The following CNGA1 variants were observed in gnomAD, a reference collection of about 807,000 sequenced individuals.
The protein encoded by CNGA1 is cyclic nucleotide gated channel subunit alpha 1.
A neutral mutation model predicts 69.7 loss-of-function variants in CNGA1; 53 were observed. The observed-to-expected ratio is 0.76, with a 90% CI of 0.61 to 0.96. The LOEUF is 0.96. Among genes scored for constraint, CNGA1 ranks in the 40% least tolerant of loss-of-function variants. The pLI, the probability that CNGA1 is intolerant of heterozygous loss-of-function variation, is 0.00. For missense variants in CNGA1, 739 were observed against 811.2 expected (o/e 0.91, Z 1.08); for synonymous variants, 249 against 283.5 (o/e 0.88, Z 1.22).
chr4:47,947,503 C>G (rs1470003833), intron 6 of CNGA1, among the ~76,000 whole-genome samples: 1 of 151,930 alleles, frequency 6.6e-6, no homozygotes, highest in Non-Finnish European at 1.5e-5. Context: ...TGGCGAAACC[C>G]CACTAAAAAT....
intron 3 of CNGA1, among the ~76,000 whole-genome samples, chr4:47,964,378 C>T (rs1026298381): frequency 6.6e-6 from 1 of 152,018 alleles, no homozygotes; most frequent in African/African-American, 2.4e-5. Context: ...AAAATGAGTC[C>T]TTCTCTTGTC....
intron 2 of CNGA1, among the ~76,000 whole-genome samples, chr4:48,008,311 A>G (rs765181040): frequency 1.3e-5 from 2 of 152,142 alleles, no homozygotes; most frequent in East Asian, 3.8e-4. Context: ...TAAATTTACC[A>G]TGTAATATTC....
At chr4:47,943,139 A>C (rs772032069) in intron 8 of CNGA1, 42 bp downstream of exon 8, 16 of 1,389,650 alleles carry the variant, frequency 1.2e-5, no homozygotes, top group Non-Finnish European at 1.6e-5. Flanking sequence ...TCTAAAACCC[A>C]TCACAATTTC....
chr4:47,978,589 T>G (rs1423198154), intron 3 of CNGA1, among the ~76,000 whole-genome samples: 2 of 152,158 alleles, frequency 1.3e-5, no homozygotes, highest in Non-Finnish European at 2.9e-5. Flanking sequence ...TAGTTTTAAA[T>G]TGATCCATTT....
chr4:47,965,425 T>A (rs1035493454), intron 3 of CNGA1, among the ~76,000 whole-genome samples: 5 of 150,452 alleles, frequency 3.3e-5, no homozygotes, highest in African/African-American at 1.2e-4. Flanking sequence ...TATGATAAGT[T>A]ATTCTTTTTT....
At chr4:48,010,688 G>C (rs909896099) in intron 2 of CNGA1, 106 bp downstream of exon 2, 5 of 153,404 alleles carry the variant, frequency 3.3e-5, no homozygotes, top group Non-Finnish European at 5.8e-5. Context: ...TGTTCAGCTC[G>C]ATTAGGATGA....
intron 2 of CNGA1, among the ~76,000 whole-genome samples, chr4:47,987,502 A>G (rs960954573): frequency 1.3e-5 from 2 of 152,196 alleles, no homozygotes; most frequent in African/African-American, 4.8e-5. Flanking sequence ...CCATTACCGT[A>G]TCTCTAGCAT....
intron 3 of CNGA1, among the ~76,000 whole-genome samples, chr4:47,966,433 T>C (rs1274203088): frequency 6.6e-6 from 1 of 152,230 alleles, no homozygotes; most frequent in African/African-American, 2.4e-5. Context: ...TTAGCATGCA[T>C]ATACTTGTGA....
At chr4:47,955,294 T>C (rs1208847650) in intron 3 of CNGA1, among the ~76,000 whole-genome samples, 3 of 150,500 alleles carry the variant, frequency 2.0e-5, no homozygotes, top group African/African-American at 7.4e-5. Context: ...GCTGTTCTCC[T>C]GTCTCAGCCT....
At chr4:47,997,679 T>C (rs1274492068) in intron 2 of CNGA1, among the ~76,000 whole-genome samples, 1 of 152,198 alleles carries the variant, frequency 6.6e-6, no homozygotes, top group Non-Finnish European at 1.5e-5. Context: ...GGTAGTGCTG[T>C]TTCACAACGC....
At chr4:47,981,675 A>G (rs2110218395) in intron 2 of CNGA1, 175 bp from the exon 3 acceptor site, 1 of 152,332 alleles carries the variant, frequency 6.6e-6, no homozygotes, top group Admixed American at 6.5e-5. Flanking sequence ...AAATAACAGC[A>G]ACATCATTAT....
intron 2 of CNGA1, among the ~76,000 whole-genome samples, chr4:48,000,729 C>T (rs775181292): frequency 1.6e-5 from 1 of 63,436 alleles, no homozygotes; most frequent in Non-Finnish European, 4.2e-5. Context: ...ACATTACATA[C>T]AGTGGGGGAA....
chr4:48,015,880 G>A (rs1223134788), intron 1 of CNGA1, among the ~76,000 whole-genome samples: 1 of 152,170 alleles, frequency 6.6e-6, no homozygotes, highest in Non-Finnish European at 1.5e-5. Context: ...TTACAGGGGT[G>A]AGCCACCCGC....
intron 6 of CNGA1, among the ~76,000 whole-genome samples, chr4:47,948,793 G>T (rs944759535): frequency 6.6e-6 from 1 of 152,176 alleles, no homozygotes; most frequent in Non-Finnish European, 1.5e-5. Flanking sequence ...GACTCAAGAA[G>T]GGCATGGTGA....
At position 47,941,308 on chromosome 4, in the gene CNGA1, C is replaced by CA. The variant is rs202154919; in HGVS notation, c.546-440dup. ...TTCACATGTACCCGATAAATTTGTA[C>CA]AAAAAAATCTTTAAATAAATTAAAA... On this transcript the variant is annotated intron_variant, in intron 9 of 10. Coordinates refer to ENST00000514170, the MANE Select transcript of CNGA1 (RefSeq NM_001379270.1). 5.8e-3 allele frequency among the ~76,000 whole-genome samples: 883 copies of CA among 151,912 alleles called. 4 individuals carry two copies. Among genetic ancestry groups the CA allele is most frequent in the African/African-American group, 0.021 (857 of 41,410 alleles).
chr4:47,955,267 C>A (rs1452884847), intron 3 of CNGA1, among the ~76,000 whole-genome samples: 1 of 147,290 alleles, frequency 6.8e-6, no homozygotes, highest in East Asian at 2.0e-4. Flanking sequence ...ACTGCAACCT[C>A]TGCCTCCTGG....
chr4:47,960,491 TAGAG>T (rs961371314), intron 3 of CNGA1, among the ~76,000 whole-genome samples: 2 of 152,180 alleles, frequency 1.3e-5, no homozygotes, highest in African/African-American at 2.4e-5. Flanking sequence ...CAACACTTCT[TAGAG>T]AGGGCACAAA....
At chr4:48,009,389 C>A (rs1002922091) in intron 2 of CNGA1, among the ~76,000 whole-genome samples, 1 of 146,944 alleles carries the variant, frequency 6.8e-6, no homozygotes, top group African/African-American at 2.5e-5. Context: ...CACTTGAACC[C>A]GGGAAGCAGA....
At chr4:47,954,072 A>C (rs1424603852) in intron 3 of CNGA1, among the ~76,000 whole-genome samples, 2 of 152,136 alleles carry the variant, frequency 1.3e-5, no homozygotes, top group Non-Finnish European at 2.9e-5. Context: ...CGAGAGGAAC[A>C]GAGTGGCAGA....
Sources: gnomAD v4.1 joint callset for allele counts (sites outside exome capture counted in the v4.1 genomes callset) on GRCh38, gnomAD v4.1.1 for gene constraint, MANE v1.5 for transcripts, NCBI Gene and HGNC (gene_info 2026-07-23, HGNC 2026-07-21) for gene names.